SCAMP1: variants seen among roughly 807,000 people sequenced by gnomAD.
SCAMP1 encodes secretory carrier-associated membrane protein 1.
Under a neutral mutation model 41.8 loss-of-function variants are expected in SCAMP1, and 15 were observed. That is an observed-to-expected ratio of 0.36 (90% CI 0.24 to 0.55). The LOEUF is 0.55. SCAMP1 is among the 20% of genes least tolerant of loss of function. The pLI is 0.86. For missense variants in SCAMP1, 341 were observed against 412.6 expected (o/e 0.83, Z 1.50); for synonymous variants, 135 against 136.8 (o/e 0.99, Z 0.09).
chr5:78,439,589 T>TA (rs1289896635), intron 6 of SCAMP1, among the ~76,000 whole-genome samples: 1 of 152,214 alleles, frequency 6.6e-6, no homozygotes, highest in Non-Finnish European at 1.5e-5. Flanking sequence ...GATCTGCTGT[T>TA]AGTCTGATGG....
chr5:78,402,031 T>C (rs76884537), intron 2 of SCAMP1, among the ~76,000 whole-genome samples: 2 of 150,802 alleles, frequency 1.3e-5, no homozygotes, highest in African/African-American at 2.4e-5. Flanking sequence ...CATTTTTTTT[T>C]CCACTTAGCT....
chr5:78,364,114 TACTG>T (rs1750735277), intron 1 of SCAMP1, among the ~76,000 whole-genome samples: 1 of 152,242 alleles, frequency 6.6e-6, no homozygotes, highest in Non-Finnish European at 1.5e-5. Context: ...ATTCAACAAA[TACTG>T]AAGAAGTGTC....
At chr5:78,443,639 A>G (rs1413777058) in intron 6 of SCAMP1, among the ~76,000 whole-genome samples, 1 of 130,018 alleles carries the variant, frequency 7.7e-6, no homozygotes, top group Non-Finnish European at 1.6e-5. Context: ...TAGCCAGACT[A>G]GTGAGTGGTT....
intron 1 of SCAMP1, among the ~76,000 whole-genome samples, chr5:78,376,589 T>G (rs990916377): frequency 3.9e-5 from 6 of 152,222 alleles, no homozygotes; most frequent in African/African-American, 9.6e-5. Context: ...CCAGTTTTCA[T>G]TGCCCATTCC....
At chr5:78,418,734 T>C in intron 4 of SCAMP1, 41 bp from the exon 5 acceptor site, 2 of 1,229,986 alleles carry the variant, frequency 1.6e-6, no homozygotes, top group East Asian at 5.3e-5. Context: ...ACATTTGTTA[T>C]AATATAAATA....
chr5:78,408,967 A>G (rs1209729303), intron 2 of SCAMP1, among the ~76,000 whole-genome samples: 2 of 152,190 alleles, frequency 1.3e-5, no homozygotes, highest in East Asian at 1.9e-4. Context: ...TACATCCAGA[A>G]TTAAGGACAA....
At chr5:78,444,781 G>A (rs149899585) in intron 6 of SCAMP1, among the ~76,000 whole-genome samples, 10 of 152,296 alleles carry the variant, frequency 6.6e-5, no homozygotes, top group East Asian at 5.8e-4. Context: ...GTGTAATACA[G>A]GTATCAACAA....
At chr5:78,443,653 C>CTTTTTTTTTTTGTTTTTTTT (rs1752983362) in intron 6 of SCAMP1, among the ~76,000 whole-genome samples, 1 of 71,968 alleles carries the variant, frequency 1.4e-5, no homozygotes, top group African/African-American at 5.8e-5. Flanking sequence ...AGTGGTTTTG[C>CTTTTTTTTTTTGTTTTTTTT]TTTTTTTTTT....
chr5:78,466,472 G>A (rs1360793046), intron 8 of SCAMP1, among the ~76,000 whole-genome samples: 1 of 152,140 alleles, frequency 6.6e-6, no homozygotes, highest in Non-Finnish European at 1.5e-5. Flanking sequence ...GAGGGATAAG[G>A]AGGTACCAGA....
At chr5:78,374,243 TGAGGCCTGAACTATC>T (rs1751011748) in intron 1 of SCAMP1, among the ~76,000 whole-genome samples, 1 of 152,128 alleles carries the variant, frequency 6.6e-6, no homozygotes, top group Non-Finnish European at 1.5e-5. Flanking sequence ...CCTGAGAAGA[TGAGGCCTGAACTATC>T]TTAGAGCCTC....
intron 6 of SCAMP1, among the ~76,000 whole-genome samples, chr5:78,443,275 A>G (rs1752973176): frequency 6.6e-6 from 1 of 151,344 alleles, no homozygotes; most frequent in African/African-American, 2.4e-5. Context: ...AAGTAGCAGC[A>G]TTTCTGTTAC....
At position 78,421,835 on chromosome 5, in the gene SCAMP1, A is replaced by G. The variant is rs1169002971; in HGVS notation, c.507A>G (p.Gly169=). The change falls in exon 6 of 9, where the codon GGA becomes GGG. Residue 169 remains glycine (G), a synonymous_variant. Transcript: ENST00000621999. ...TAACACTGTTTCTAAATATCTTCGG[A>G]TGCTTGGCTTGGTTTTGTGTTGATT... ...HAVTLFLNIF[G]CLAWFCVDSA... is the part of the protein sequence containing the mutation. 6.2e-7 allele frequency: 1 copy of G among 1,613,668 alleles called. No individual in the cohort carries two copies. Among genetic ancestry groups the G allele is most frequent in the Non-Finnish European group, 8.5e-7 (1 of 1,179,782 alleles).
intron 2 of SCAMP1, among the ~76,000 whole-genome samples, chr5:78,409,303 T>C (rs1474703153): frequency 1.3e-5 from 2 of 152,202 alleles, no homozygotes; most frequent in African/African-American, 2.4e-5. Flanking sequence ...ATTTTAGGTA[T>C]TATGTACTAG....
intron 1 of SCAMP1, among the ~76,000 whole-genome samples, chr5:78,372,016 G>C (rs1481691580): frequency 6.6e-6 from 1 of 152,184 alleles, no homozygotes; most frequent in Non-Finnish European, 1.5e-5. Flanking sequence ...AAATAATTTA[G>C]TATATATAGC....
rs893008223 is a variant in SCAMP1, at chr5:78,366,220, T to C, written c.57+5492T>C. ...GTGCAGGGGTGCCATCTCGGCTCAC[T>C]GCAACCTCCATCTCCTGGGTTCAAG... On this transcript the variant is annotated intron_variant, in intron 1 of 8. Coordinates refer to ENST00000621999, the MANE Select transcript of SCAMP1 (RefSeq NM_004866.6). 2.0e-5 allele frequency among the ~76,000 whole-genome samples: 3 copies of C among 150,696 alleles called. No homozygotes were observed. The South Asian group carries it at 6.4e-4, about 32-fold the overall frequency.
chr5:78,451,608 G>C (rs1753228258), intron 7 of SCAMP1, among the ~76,000 whole-genome samples: 2 of 152,152 alleles, frequency 1.3e-5, no homozygotes, highest in Admixed American at 1.3e-4. Flanking sequence ...ATTTTCTGGA[G>C]ATTTATCCAG....
intron 2 of SCAMP1, among the ~76,000 whole-genome samples, chr5:78,410,300 A>G (rs1752043658): frequency 6.7e-6 from 1 of 150,082 alleles, no homozygotes; most frequent in Non-Finnish European, 1.5e-5. Context: ...CCTAATCCCC[A>G]TCCCCATCTC....
At chr5:78,397,965 T>G (rs1751695201) in intron 2 of SCAMP1, among the ~76,000 whole-genome samples, 1 of 152,224 alleles carries the variant, frequency 6.6e-6, no homozygotes, top group South Asian at 2.1e-4. Context: ...TTGGCAAGGA[T>G]GTGGAGAATT....
At chr5:78,461,937 T>C (rs941203087) in intron 8 of SCAMP1, among the ~76,000 whole-genome samples, 4 of 152,206 alleles carry the variant, frequency 2.6e-5, no homozygotes, top group African/African-American at 4.8e-5. Context: ...TTCAGACTCT[T>C]TTTGGTTCCA....
Sources: gnomAD v4.1 joint callset for allele counts (sites outside exome capture counted in the v4.1 genomes callset) on GRCh38, gnomAD v4.1.1 for gene constraint, MANE v1.5 for transcripts, NCBI Gene and HGNC (gene_info 2026-07-23, HGNC 2026-07-21) for gene names.